MCUB: variants seen among roughly 807,000 people sequenced by gnomAD.
MCUB encodes calcium uniporter regulatory subunit MCUb, mitochondrial.
Under a neutral mutation model 41.4 loss-of-function variants are expected in MCUB, and 46 were observed. That is an observed-to-expected ratio of 1.11 (90% CI 0.88 to 1.42). The LOEUF (loss-of-function observed/expected upper bound fraction) is 1.42, where lower values mean the gene tolerates loss of function less well. Among genes scored for constraint, MCUB ranks in the 40% most tolerant of loss-of-function variants. MCUB has a pLI of 0.00. For missense variants in MCUB, 403 were observed against 404.9 expected (o/e 1.00, Z 0.04); for synonymous variants, 148 against 148.2 (o/e 1.00, Z 0.01).
At chr4:109,635,363 CA>C (rs1326707802) in intron 1 of MCUB, among the ~76,000 whole-genome samples, 7 of 152,204 alleles carry the variant, frequency 4.6e-5, no homozygotes, top group Non-Finnish European at 1.0e-4. Context: ...AAATGCCAGG[CA>C]TTAGAAACTG....
chr4:109,669,700 T>G (rs948283606), intron 4 of MCUB, among the ~76,000 whole-genome samples: 1 of 134,586 alleles, frequency 7.4e-6, no homozygotes, highest in Non-Finnish European at 1.5e-5. Flanking sequence ...CTGTTCTGGT[T>G]TTTTTTTTTT....
chr4:109,598,061 A>G (rs1246165612), intron 1 of MCUB, among the ~76,000 whole-genome samples: 3 of 148,436 alleles, frequency 2.0e-5, no homozygotes, highest in Non-Finnish European at 3.0e-5. Flanking sequence ...GGTGCTCCTC[A>G]CTTCCTAGAT....
intron 1 of MCUB, among the ~76,000 whole-genome samples, chr4:109,610,493 A>G (rs1448778092): frequency 6.6e-6 from 1 of 152,122 alleles, no homozygotes; most frequent in Non-Finnish European, 1.5e-5. Flanking sequence ...ATATATTGAG[A>G]GATAGTGTTC....
intron 1 of MCUB, among the ~76,000 whole-genome samples, chr4:109,563,903 A>C (rs1413908058): frequency 1.3e-5 from 2 of 151,766 alleles, no homozygotes; most frequent in African/African-American, 4.8e-5. Context: ...ACTTCTTAAA[A>C]AAATAAAAGT....
intron 1 of MCUB, among the ~76,000 whole-genome samples, chr4:109,607,937 G>T (rs114571148): frequency 6.6e-6 from 1 of 152,024 alleles, no homozygotes; most frequent in Non-Finnish European, 1.5e-5. Context: ...CCTTTTCCTA[G>T]GTTTGGGAAG....
intron 4 of MCUB, chr4:109,674,036 T>A (rs1203367007): frequency 1.5e-6 from 2 of 1,323,116 alleles, no homozygotes; most frequent in Non-Finnish European, 2.2e-6. Context: ...CACATGCGTG[T>A]GGTAGCCCAA....
chr4:109,570,584 A>G (rs549087576), intron 1 of MCUB, among the ~76,000 whole-genome samples: 25 of 152,364 alleles, frequency 1.6e-4, no homozygotes, highest in African/African-American at 3.1e-4. Flanking sequence ...TTGTGTTCCA[A>G]TAAACTTTAT....
At chr4:109,659,414 AC>A (rs1482315233) in intron 2 of MCUB, among the ~76,000 whole-genome samples, 3 of 151,836 alleles carry the variant, frequency 2.0e-5, no homozygotes, top group Non-Finnish European at 4.4e-5. Context: ...ACAAAGCAAA[AC>A]CCCATCTCTA....
At chr4:109,600,314 C>A (rs1727700691) in intron 1 of MCUB, among the ~76,000 whole-genome samples, 1 of 152,174 alleles carries the variant, frequency 6.6e-6, no homozygotes, top group African/African-American at 2.4e-5. Context: ...TAGCCCTCAT[C>A]TGAAAAATGA....
chr4:109,641,303 A>G (rs1391216854), intron 1 of MCUB, among the ~76,000 whole-genome samples: 2 of 144,672 alleles, frequency 1.4e-5, no homozygotes, highest in East Asian at 4.0e-4. Context: ...ACGGGTTTTC[A>G]CCATGTTAGC....
At chr4:109,619,217 A>G (rs932508754) in intron 1 of MCUB, among the ~76,000 whole-genome samples, 2 of 152,050 alleles carry the variant, frequency 1.3e-5, no homozygotes, top group Admixed American at 6.6e-5. Context: ...CTGGGATTAT[A>G]GGTGCCTGCC....
intron 4 of MCUB, among the ~76,000 whole-genome samples, chr4:109,671,896 T>G (rs1729466666): frequency 6.6e-6 from 1 of 152,164 alleles, no homozygotes; most frequent in Admixed American, 6.5e-5. Context: ...GTTTAATGTT[T>G]GCTGTAGCTG....
At position 109,660,335 on chromosome 4, in the gene MCUB, G is replaced by C. The variant is rs1486457830; in HGVS notation, c.316G>C (p.Gly106Arg). The change falls in exon 3 of 8, where the codon GGT (glycine) becomes CGT (arginine). Residue 106 changes from glycine (G) to arginine (R), a missense_variant. Physicochemically the swap from Gly to Arg is moderately radical, Grantham distance 125. Coordinates refer to ENST00000394650, the MANE Select transcript of MCUB (RefSeq NM_017918.5). ...FLQDLQNEDK[G>R]IKTAAIFTAD... The stretch of plus-strand genomic sequence containing the variant: ...TCAGGACCTACAAAATGAAGATAAG[G>C]GTATCAAAACTGCAGCCATCTTCAC... 3 of 1,608,080 alleles carry C rather than the reference G, an allele frequency of 1.9e-6. No individual in the cohort carries two copies. The South Asian group carries it at 3.3e-5, about 18-fold the overall frequency.
intron 1 of MCUB, among the ~76,000 whole-genome samples, chr4:109,586,075 C>A (rs917825528): frequency 1.3e-5 from 2 of 152,220 alleles, no homozygotes; most frequent in African/African-American, 4.8e-5. Context: ...CTCCCTGTCA[C>A]TTTCAGGTAC....
intron 1 of MCUB, among the ~76,000 whole-genome samples, chr4:109,599,180 G>A (rs1727667933): frequency 6.6e-6 from 1 of 152,194 alleles, no homozygotes; most frequent in African/African-American, 2.4e-5. Flanking sequence ...AACAGGTTAA[G>A]TTGAAGCCTT....
At chr4:109,643,072 C>T (rs1300419232) in intron 1 of MCUB, among the ~76,000 whole-genome samples, 1 of 150,116 alleles carries the variant, frequency 6.7e-6, no homozygotes, top group East Asian at 2.0e-4. Flanking sequence ...GGATTACAGA[C>T]GTGAGCCACC....
intron 1 of MCUB, among the ~76,000 whole-genome samples, chr4:109,590,015 T>C (rs1458886440): frequency 6.6e-6 from 1 of 152,254 alleles, no homozygotes; most frequent in African/African-American, 2.4e-5. Flanking sequence ...GTAAGCTCTC[T>C]ACGTTGTTCC....
intron 1 of MCUB, among the ~76,000 whole-genome samples, chr4:109,613,811 G>C (rs1579066205): frequency 6.7e-6 from 1 of 148,314 alleles, no homozygotes; most frequent in African/African-American, 2.5e-5. Flanking sequence ...CAGACTCACA[G>C]GCAGTTTGTG....
intron 1 of MCUB, among the ~76,000 whole-genome samples, chr4:109,610,549 G>C (rs1366196818): frequency 6.6e-6 from 1 of 152,102 alleles, no homozygotes; most frequent in African/African-American, 2.4e-5. Context: ...TTTGATCTTA[G>C]ATCTGCTGTT....
Sources: gnomAD v4.1 joint callset for allele counts (sites outside exome capture counted in the v4.1 genomes callset) on GRCh38, gnomAD v4.1.1 for gene constraint, MANE v1.5 for transcripts, NCBI Gene and HGNC (gene_info 2026-07-23, HGNC 2026-07-21) for gene names.